Variants in KIAA1549 observed in about 807,000 individuals in gnomAD.
KIAA1549 encodes the protein UPF0606 protein KIAA1549.
KIAA1549 carries 70 observed loss-of-function variants against 156.4 expected under a neutral mutation model. The ratio of observed to expected loss-of-function variants is 0.45; its 90% CI spans 0.37 to 0.55. The LOEUF (loss-of-function observed/expected upper bound fraction) is 0.55, where lower values mean the gene tolerates loss of function less well. KIAA1549 is among the 20% of genes least tolerant of loss of function. The pLI is 0.00. For missense variants in KIAA1549, 2,428 were observed against 2,540.9 expected, an observed-to-expected ratio of 0.96 and a Z score of 0.96; for synonymous variants, 1,103 against 1,066.4, an observed-to-expected ratio of 1.03 and a Z score of -0.67.
rs1814402761 is a variant in KIAA1549, at chr7:138,977,133, TA to T, written c.187+3949del. Among the ~76,000 whole-genome samples the T allele has an allele frequency of 2.0e-5, 3 of 152,186 alleles. No homozygotes were observed. In the East Asian group the frequency reaches 5.8e-4, roughly 29 times the overall value. On this transcript the variant is annotated intron_variant, in intron 1 of 19. Coordinates refer to ENST00000422774, the MANE Select transcript of KIAA1549 (RefSeq NM_001164665.2). ...TAAAAGAACAAATGGCAGATCTTGC[TA>T]ATCAAAACAACCAAAAACTTCTACA...
chr7:138,843,570 C>T (rs7777509), intron 18 of KIAA1549, among the ~76,000 whole-genome samples: 105,726 of 152,060 alleles, frequency 0.7, 36,951 homozygotes, highest in East Asian at 0.91. Flanking sequence ...CATAATTTCA[C>T]CTAATAGAAA....
At chr7:138,903,157 G>A (rs1370939895) in intron 8 of KIAA1549, among the ~76,000 whole-genome samples, 1 of 152,020 alleles carries the variant, frequency 6.6e-6, no homozygotes, top group Non-Finnish European at 1.5e-5. Context: ...TCAAGCAGAG[G>A]GCAGCACGTC....
rs1342788818 is a variant in KIAA1549 at position 138,917,936 on chromosome 7, T to G, written c.1690A>C (p.Ile564Leu). Residue 564 changes from isoleucine (I) to leucine (L), a missense_variant, in exon 2 of 20, where the codon ATT (isoleucine) becomes CTT (leucine). This residue lies in a region of KIAA1549 where 893 missense variants were observed against 847.9 expected (regional missense o/e 1.05). Coordinates refer to ENST00000422774, the MANE Select transcript of KIAA1549 (RefSeq NM_001164665.2). ...TTAFFSVITS[I>L]LLDSSFSVIA... ...ACAGAGAAAGATGAGTCAAGGAGAA[T>G]GCTGGTGATGACCGAGAAAAATGCA... 13 of 1,595,002 alleles carry G rather than the reference T, an allele frequency of 8.2e-6. 2 individuals are homozygous for G. Among genetic ancestry groups the G allele is most frequent in the East Asian group, 4.5e-5 (2 of 44,220 alleles).
In KIAA1549 at chr7:138,844,477, G is replaced by A. The variant is rs770117955; in HGVS notation, c.5295-3C>T. ...GCAAACCGGGGCCAAAACCTGGTCT[G>A]AAGGCAAAGCAAACCAGCACATCAG... On this transcript the variant is annotated splice_polypyrimidine_tract_variant and splice_region_variant and intron_variant, in intron 17 of 19. Coordinates refer to ENST00000422774, the MANE Select transcript of KIAA1549 (RefSeq NM_001164665.2). 6 of 1,525,376 alleles carry A rather than the reference G, an allele frequency of 3.9e-6. 2 individuals carry two copies. In the South Asian group the frequency reaches 8.0e-5, roughly 20 times the overall value. 94.5% of individuals were successfully genotyped at this position (1,525,376 alleles called of 1,614,324 possible).
intron 1 of KIAA1549, among the ~76,000 whole-genome samples, chr7:138,975,462 T>C (rs1434667304): frequency 6.6e-6 from 1 of 152,004 alleles, no homozygotes; most frequent in Non-Finnish European, 1.5e-5. Flanking sequence ...TTCCAAGACA[T>C]CCAAGATGTT....
Position 138,918,437 on chromosome 7 carries a change from A to T in KIAA1549, c.1189T>A (p.Ser397Thr). The change falls in exon 2 of 20, where the codon TCA becomes ACA. Residue 397 changes from serine (S) to threonine (T), a missense_variant. Ser to Thr is a moderately conservative substitution (Grantham distance 58). This residue lies in a region of KIAA1549 where 893 missense variants were observed against 847.9 expected (regional missense o/e 1.05). Transcript: ENST00000422774. This position sits in a 1 kb window ranked among gnomAD's most constrained non-coding sequence, Gnocchi z 4.2. ...TTGTCCACAGGACCGGGGAGGGCTG[A>T]ATTGCTATGCAATTCGGATGTTTTG... ...SSKTSELHSNSALPGPVDNTH... is the reference protein window; with the variant it reads ...SSKTSELHSNTALPGPVDNTH... 1 of 1,613,960 alleles carries T rather than the reference A, an allele frequency of 6.2e-7. No individual in the cohort carries two copies. Among genetic ancestry groups the T allele is most frequent in the Non-Finnish European group, 8.5e-7 (1 of 1,179,888 alleles).
At chr7:138,901,667 A>G (rs1173412878) in intron 8 of KIAA1549, among the ~76,000 whole-genome samples, 1 of 152,132 alleles carries the variant, frequency 6.6e-6, no homozygotes, top group Non-Finnish European at 1.5e-5. Flanking sequence ...TTTTTTTTAA[A>G]TGACTGCATA....
intron 1 of KIAA1549, among the ~76,000 whole-genome samples, chr7:138,971,268 C>G (rs979870403): frequency 1.6e-4 from 24 of 152,186 alleles, no homozygotes; most frequent in African/African-American, 4.8e-4. Context: ...TCCTGATCCC[C>G]CCACGCTGCT....
chr7:138,909,236 G>A, intron 4 of KIAA1549, 115 bp from the exon 5 acceptor site: 1 of 1,042,226 alleles, frequency 9.6e-7, no homozygotes, highest in South Asian at 1.5e-5. Flanking sequence ...CATAGTATGG[G>A]ATTAAGTACT....
intron 1 of KIAA1549, among the ~76,000 whole-genome samples, chr7:138,968,627 C>T (rs1262825653): frequency 6.6e-6 from 1 of 151,362 alleles, no homozygotes; most frequent in East Asian, 2.0e-4. Context: ...GCGGGCAGAT[C>T]ATGAGGTCAG....
At chr7:138,887,261 ATTAT>A (rs1811418941) in intron 10 of KIAA1549, among the ~76,000 whole-genome samples, 1 of 152,086 alleles carries the variant, frequency 6.6e-6, no homozygotes, top group Non-Finnish European at 1.5e-5. Context: ...ACTTGTGTAA[ATTAT>A]TTAAATTAAT....
chr7:138,944,813 T>A (rs1371328640), intron 1 of KIAA1549, among the ~76,000 whole-genome samples: 5 of 152,140 alleles, frequency 3.3e-5, no homozygotes, highest in Non-Finnish European at 7.3e-5. Context: ...ACTGTATGAC[T>A]CCATTTACAT....
At chr7:138,867,433 T>C (rs1810780195) in intron 15 of KIAA1549, among the ~76,000 whole-genome samples, 1 of 152,016 alleles carries the variant, frequency 6.6e-6, no homozygotes, top group South Asian at 2.1e-4. Flanking sequence ...CATATGCCTA[T>C]GGTCCTAGCT....
intron 17 of KIAA1549, among the ~76,000 whole-genome samples, chr7:138,845,119 G>T (rs751145549): frequency 6.6e-6 from 1 of 151,854 alleles, no homozygotes; most frequent in Admixed American, 6.6e-5. Flanking sequence ...GGATTGTATC[G>T]CTATTTACCA....
At chr7:138,865,851 A>G (rs2130374676) in intron 15 of KIAA1549, among the ~76,000 whole-genome samples, 1 of 152,318 alleles carries the variant, frequency 6.6e-6, no homozygotes, top group African/African-American at 2.4e-5. Context: ...AGAGAGGGGG[A>G]CTGAGAGGGT....
chr7:138,852,302 T>C (rs1319522639), intron 16 of KIAA1549, 33 bp from the exon 17 acceptor site: 6 of 1,424,298 alleles, frequency 4.2e-6, no homozygotes, highest in Non-Finnish European at 5.9e-6. Flanking sequence ...TGAAGATTAA[T>C]ATTCAATACT....
chr7:138,919,578 C>T (rs1812493589), intron 1 of KIAA1549, 140 bp from the exon 2 acceptor site: 10 of 1,396,584 alleles, frequency 7.2e-6, no homozygotes, highest in Non-Finnish European at 9.6e-6. Flanking sequence ...AGAAGTTAAA[C>T]AGCTAGCTGG....
intron 15 of KIAA1549, among the ~76,000 whole-genome samples, chr7:138,862,162 C>T (rs1034387258): frequency 6.6e-6 from 1 of 152,056 alleles, no homozygotes; most frequent in African/African-American, 2.4e-5. Context: ...CTGACATACC[C>T]TTAAAAGATC....
In KIAA1549 at chr7:138,911,174, C is replaced by A; in HGVS notation, c.3117G>T (p.Val1039=). 6.3e-7 allele frequency: 1 copy of A among 1,598,006 alleles called. No homozygotes were observed. Among genetic ancestry groups the A allele is most frequent in the Admixed American group, 1.7e-5 (1 of 57,876 alleles). The change falls in exon 4 of 20, where the codon GTG becomes GTT. Residue 1039 remains valine, a synonymous_variant. Transcript: ENST00000422774. ...TTTGAACTTGGAACCTGGACTCTGG[C>A]ACAAGGAAAGAAGGTTTCACAGACA... The part of the protein sequence containing the change: ...LILSVKPSFL[V]PESRFQVQTV...
Sources: allele counts gnomAD v4.1 joint callset (sites outside exome capture counted in the v4.1 genomes callset), GRCh38; gene constraint gnomAD v4.1.1; regional missense constraint gnomAD v4.1.1; non-coding constraint Gnocchi (gnomAD v3.1); transcripts MANE v1.5; gene names NCBI Gene and HGNC (gene_info 2026-07-23, HGNC 2026-07-21).